The following KYNU variants were observed in gnomAD, a reference collection of about 807,000 sequenced individuals.
KYNU encodes the protein kynureninase.
KYNU carries 54 observed loss-of-function variants against 59.2 expected under a neutral mutation model. That is an observed-to-expected ratio of 0.91 (90% CI 0.73 to 1.14). KYNU has a LOEUF of 1.14. Ranked by LOEUF, KYNU falls within the 50% of genes most tolerant of loss-of-function variation. The pLI is 0.00. For synonymous variants in KYNU, 177 were observed against 192.0 expected (o/e 0.92, Z 0.65); for missense variants, 567 against 554.4 (o/e 1.02, Z -0.23).
At chr2:142,883,922 A>G (rs1681398573) in intron 1 of KYNU, among the ~76,000 whole-genome samples, 1 of 152,232 alleles carries the variant, frequency 6.6e-6, no homozygotes, top group African/African-American at 2.4e-5. Context: ...ATACTTGTTG[A>G]AAGAGTAAAT....
At chr2:142,971,607 G>A (rs1283203443) in intron 8 of KYNU, among the ~76,000 whole-genome samples, 1 of 152,192 alleles carries the variant, frequency 6.6e-6, no homozygotes, top group Non-Finnish European at 1.5e-5. Context: ...AGCTATGTCA[G>A]TAGAGTGTTC....
intron 4 of KYNU, among the ~76,000 whole-genome samples, chr2:142,941,852 T>C (rs1006901131): frequency 1.3e-5 from 2 of 152,084 alleles, no homozygotes; most frequent in African/African-American, 4.8e-5. Flanking sequence ...GTCAGAGAAA[T>C]GGTCCTTACT....
intron 4 of KYNU, among the ~76,000 whole-genome samples, chr2:142,930,754 C>T (rs1380158879): frequency 6.6e-6 from 1 of 152,150 alleles, no homozygotes; most frequent in African/African-American, 2.4e-5. Flanking sequence ...AGGCCTATCC[C>T]CAAATACACT....
intron 2 of KYNU, among the ~76,000 whole-genome samples, chr2:142,911,352 C>T (rs1161891700): frequency 2.6e-5 from 4 of 152,056 alleles, no homozygotes; most frequent in Admixed American, 2.0e-4. Flanking sequence ...ATTGATTTGG[C>T]TCTCAGCTTA....
intron 3 of KYNU, among the ~76,000 whole-genome samples, chr2:142,919,195 G>T (rs1026823029): frequency 5.3e-5 from 8 of 152,198 alleles, no homozygotes; most frequent in African/African-American, 1.9e-4. Context: ...AGTCTCATTT[G>T]ATTGATGAAA....
At chr2:142,925,059 C>T (rs75519660) in intron 3 of KYNU, among the ~76,000 whole-genome samples, 1,977 of 152,152 alleles carry the variant, frequency 0.013, 19 homozygotes, top group Non-Finnish European at 0.021. Flanking sequence ...GAGTAGGTGG[C>T]ATAACATTCT....
chr2:142,884,796 T>C (rs1477114376), intron 1 of KYNU, among the ~76,000 whole-genome samples: 1 of 139,890 alleles, frequency 7.1e-6, no homozygotes, highest in Non-Finnish European at 1.5e-5. Context: ...AACCTCCACC[T>C]CCTGGGTTCA....
chr2:143,012,248 G>A (rs535960448), intron 10 of KYNU, among the ~76,000 whole-genome samples: 50 of 152,080 alleles, frequency 3.3e-4, no homozygotes, highest in African/African-American at 1.0e-3. Context: ...TTGGGAGGCC[G>A]AGGCGGGTGG....
At chr2:142,997,694 T>C in intron 10 of KYNU, among the ~76,000 whole-genome samples, 1 of 152,160 alleles carries the variant, frequency 6.6e-6, no homozygotes, top group East Asian at 1.9e-4. Context: ...TTTGATTTGG[T>C]GCCAAAGGGG....
Position 142,985,198 on chromosome 2 carries a change from T to TA in KYNU, c.828+17dup, listed in dbSNP as rs1204186331. 7.1e-7 allele frequency: 1 copy of TA among 1,400,748 alleles called. No individual in the cohort carries two copies. The highest frequency in any genetic ancestry group is 1.4e-5 in the African/African-American group (1 of 70,398). 86.8% of individuals were successfully genotyped at this position (1,400,748 alleles called of 1,614,324 possible). A position where few individuals can be genotyped will look rare whatever the true frequency, so the allele number is the denominator to read the frequency against. The stretch of plus-strand genomic sequence containing the variant: ...TTCCTACAAGGTACAAACGAGTTAA[T>TA]ACATTTACATCCCTTTATTTCACAT... On this transcript the variant is annotated intron_variant, in intron 9 of 13. Coordinates refer to ENST00000264170, the MANE Select transcript of KYNU (RefSeq NM_003937.3).
rs78871922 is a variant in KYNU at position 142,895,528 on chromosome 2, T to C, written c.169+9992T>C. ...TACAGTAGTTTATTCATTTGTCCAC[T>C]AAAGGCCATTTGAGCTGTGTCCAAT... is the stretch of plus-strand genomic sequence containing the variant. On this transcript the variant is annotated intron_variant, in intron 2 of 13. Coordinates refer to ENST00000264170, the MANE Select transcript of KYNU (RefSeq NM_003937.3). Among the ~76,000 whole-genome samples the C allele has an allele frequency of 4.7e-3, 721 of 152,314 alleles. 4 individuals are homozygous for C. Among genetic ancestry groups the C allele is most frequent in the African/African-American group, 0.017 (699 of 41,568 alleles).
At chr2:142,968,833 A>G (rs752966374) in intron 8 of KYNU, among the ~76,000 whole-genome samples, 3 of 152,132 alleles carry the variant, frequency 2.0e-5, no homozygotes, top group Non-Finnish European at 4.4e-5. Flanking sequence ...GTATCACTTG[A>G]GCTCAGGAGG....
chr2:142,955,877 A>G (rs1684145067), intron 5 of KYNU, among the ~76,000 whole-genome samples: 1 of 152,124 alleles, frequency 6.6e-6, no homozygotes, highest in African/African-American at 2.4e-5. Context: ...ATAATTTGTC[A>G]ATTAACAGCT....
At chr2:143,040,319 T>C (rs1191901928) in intron 12 of KYNU, 109 bp from the exon 13 acceptor site, 1 of 748,306 alleles carries the variant, frequency 1.3e-6, no homozygotes, top group East Asian at 2.6e-5. Context: ...GAGATATTTA[T>C]TGGAAAGATC....
chr2:142,965,024 T>C, intron 8 of KYNU, among the ~76,000 whole-genome samples: 1 of 152,236 alleles, frequency 6.6e-6, no homozygotes, highest in Non-Finnish European at 1.5e-5. Context: ...CTACACCCAC[T>C]AATTGTAGAT....
In KYNU at chr2:142,967,492, C is replaced by T. The variant is rs950737512; in HGVS notation, c.729+6722C>T. 11 of 152,184 alleles carry T rather than the reference C, an allele frequency of 7.2e-5. No homozygotes were observed. In the East Asian group the frequency reaches 2.1e-3, roughly 29 times the overall value. The allele number at this position is 152,184 out of a possible 1,614,324, so 9.4% of individuals were successfully genotyped here. On this transcript the variant is annotated intron_variant, in intron 8 of 13. Transcript: ENST00000264170. ...TTAAATTATTAAAAAATAATAATCA[C>T]AATGATAGCCCAGGCAGTTTGAATA...
At chr2:142,898,568 C>T (rs894695492) in intron 2 of KYNU, among the ~76,000 whole-genome samples, 17 of 152,172 alleles carry the variant, frequency 1.1e-4, no homozygotes, top group African/African-American at 3.4e-4. Context: ...CTAGTTTTTC[C>T]TTCTAAACTC....
rs553556047 is a variant in KYNU, at chr2:142,988,815, G to A, written c.902+2794G>A. On this transcript the variant is annotated intron_variant, in intron 10 of 13. Transcript: ENST00000264170. ...GCCTTGGCTCTCTATTCTGTACCAA[G>A]TATCTTATATTGTACTTCATTTGCA... 13 of 1,496,654 alleles carry A rather than the reference G, an allele frequency of 8.7e-6. No individual in the cohort carries two copies. The African/African-American group carries it at 1.4e-4, about 16-fold the overall frequency. The allele number at this position is 1,496,654 out of a possible 1,614,324, so 92.7% of individuals were successfully genotyped here.
chr2:142,890,737 C>A (rs1420660041), intron 2 of KYNU, among the ~76,000 whole-genome samples: 1 of 152,152 alleles, frequency 6.6e-6, no homozygotes, highest in Admixed American at 6.5e-5. Context: ...CTCAGCCTAC[C>A]AATGTGCTGG....
Sources: gnomAD v4.1 joint callset for allele counts (sites outside exome capture counted in the v4.1 genomes callset) on GRCh38, gnomAD v4.1.1 for gene constraint, MANE v1.5 for transcripts, NCBI Gene and HGNC (gene_info 2026-07-23, HGNC 2026-07-21) for gene names.